The following BCL6 variants were observed in gnomAD, a reference collection of about 807,000 sequenced individuals.
BCL6 encodes the protein B-cell lymphoma 6 protein.
In BCL6, 7 loss-of-function variants were observed where a neutral mutation model predicts 59.5. The ratio of observed to expected loss-of-function variants is 0.12; its 90% CI spans 0.07 to 0.22. The LOEUF (loss-of-function observed/expected upper bound fraction) is 0.22, where lower values mean the gene tolerates loss of function less well. BCL6 is among the 10% of genes least tolerant of loss of function. The pLI is 1.00. For synonymous variants in BCL6, 339 were observed against 349.7 expected, an observed-to-expected ratio of 0.97 and a Z score of 0.34; for missense variants, 685 against 939.4, an observed-to-expected ratio of 0.73 and a Z score of 3.54.
Position 187,731,934 on chromosome 3 carries a change from T to C in BCL6, c.162-4A>G. On this transcript the variant is annotated splice_region_variant and splice_polypyrimidine_tract_variant and intron_variant, in intron 3 of 9. Transcript: ENST00000406870. ...AAAGATGCTATAGAACAGGCCACTG[T>C]AAAACAAACAAATGTCCCACTATAG... 6.2e-7 allele frequency: 1 copy of C among 1,608,852 alleles called. No homozygotes were observed. The highest frequency in any genetic ancestry group is 8.5e-7 in the Non-Finnish European group (1 of 1,175,322).
intron 1 of BCL6, among the ~76,000 whole-genome samples, chr3:187,743,497 A>G (rs1711696481): frequency 6.6e-6 from 1 of 152,108 alleles, no homozygotes; most frequent in Admixed American, 6.5e-5. Context: ...CAACCATCGT[A>G]GAAGGGAACA....
chr3:187,739,326 G>A (rs1373716131), intron 1 of BCL6, among the ~76,000 whole-genome samples: 3 of 152,242 alleles, frequency 2.0e-5, no homozygotes, highest in African/African-American at 7.2e-5. Flanking sequence ...CAGTGTTTCA[G>A]CCAACTAGCT....
rs1718836442 is a variant in BCL6, at chr3:187,728,452, G to A, written c.1448C>T (p.Pro483Leu). The change falls in exon 6 of 10, where the codon CCA becomes CTA. Residue 483 changes from proline to leucine, a missense_variant. Around this residue, in one of 7 missense-constraint regions of BCL6, gnomAD observed 207 missense variants for 213.7 expected, o/e 0.97. Coordinates refer to ENST00000406870, the MANE Select transcript of BCL6 (RefSeq NM_001706.5). ...GTGGAGGCACATCTCTGCATGCTGT[G>A]GGGACTGAGAGCCGCAGGACGTGCA... ...PKCTSCGSQS[P>L]QHAEMCLHTA... The A allele has an allele frequency of 6.2e-7, 1 of 1,612,430 alleles. No individual in the cohort carries two copies. Among genetic ancestry groups the A allele is most frequent in the African/African-American group, 1.3e-5 (1 of 74,780 alleles).
rs930736311 is a variant in BCL6 at position 187,743,772 on chromosome 3, G to A, written c.-50+1638C>T. 3.5e-5 allele frequency among the ~76,000 whole-genome samples: 4 copies of A among 114,380 alleles called. No homozygotes were observed. In the Middle Eastern group the frequency reaches 0.025, roughly 715 times the overall value. 75.0% of individuals were successfully genotyped at this position (114,380 alleles called of 152,430 possible). A position where few individuals can be genotyped will look rare whatever the true frequency, so the allele number is the denominator to read the frequency against. On this transcript the variant is annotated intron_variant, in intron 1 of 9. Transcript: ENST00000406870. ...CGCCCCCGGAGCTCAGCCGATTTCT[G>A]AGGCTCCAACTCTACCCACTCCCTC...
rs139370058 is a variant in BCL6 at position 187,725,362 on chromosome 3, C to T, written c.1839+137G>A. On this transcript the variant is annotated intron_variant, in intron 8 of 9. Transcript: ENST00000406870. The surrounding 1 kb of genome is among the most constrained non-coding windows in gnomAD (Gnocchi z 4.7). ...GGACTGAGTGGGACTTTCTCCTGCC[C>T]GCTCTGCTCACCTGCCCGCTCCGCT... The T allele has an allele frequency of 7.4e-4, 1,102 of 1,494,510 alleles. No homozygotes were observed. The highest frequency in any genetic ancestry group is 9.4e-4 in the Non-Finnish European group (1,053 of 1,117,200). The allele number at this position is 1,494,510 out of a possible 1,614,324, so 92.6% of individuals were successfully genotyped here. A position where few individuals can be genotyped will look rare whatever the true frequency, so the allele number is the denominator to read the frequency against.
chr3:187,743,399 G>A (rs1219804913), intron 1 of BCL6, among the ~76,000 whole-genome samples: 2 of 152,016 alleles, frequency 1.3e-5, no homozygotes, highest in East Asian at 3.9e-4. Context: ...GGGGCCCTGT[G>A]ACAGCTTGGG....
chr3:187,745,257 A>T (rs546194807), intron 1 of BCL6, among the ~76,000 whole-genome samples, 153 bp downstream of exon 1: 1 of 152,208 alleles, frequency 6.6e-6, no homozygotes, highest in African/African-American at 2.4e-5. Context: ...CACATAGAAA[A>T]CTTGGAGCCA....
intron 1 of BCL6, among the ~76,000 whole-genome samples, chr3:187,743,928 C>T (rs1218203330): frequency 6.6e-6 from 1 of 152,130 alleles, no homozygotes; most frequent in Non-Finnish European, 1.5e-5. Flanking sequence ...GCGCCCGCGC[C>T]CGCTCCTCCC....
At chr3:187,745,124 A>G (rs539827829) in intron 1 of BCL6, among the ~76,000 whole-genome samples, 6 of 152,178 alleles carry the variant, frequency 3.9e-5, no homozygotes, top group Middle Eastern at 3.4e-3. Flanking sequence ...AGACAACAAT[A>G]ATAATAATAA....
chr3:187,745,326 AGCGGC>A, intron 1 of BCL6, 79 bp downstream of exon 1: 1 of 401,372 alleles, frequency 2.5e-6, no homozygotes, highest in Middle Eastern at 4.9e-4. Flanking sequence ...GATCATGAGC[AGCGGC>A]GGCGGCAGCG....
At chr3:187,744,978 C>T (rs771839694) in intron 1 of BCL6, among the ~76,000 whole-genome samples, 2 of 152,082 alleles carry the variant, frequency 1.3e-5, no homozygotes, top group Admixed American at 1.3e-4. Context: ...CGAATCACCC[C>T]CCAAGCACTG....
At chr3:187,744,116 G>C (rs1576884424) in intron 1 of BCL6, among the ~76,000 whole-genome samples, 4 of 152,158 alleles carry the variant, frequency 2.6e-5, no homozygotes, top group East Asian at 1.9e-4. Flanking sequence ...TACAGAGCTT[G>C]CACCATGGGA....
intron 1 of BCL6, among the ~76,000 whole-genome samples, chr3:187,744,550 A>C (rs190811069): frequency 1.3e-5 from 2 of 152,302 alleles, no homozygotes; most frequent in African/African-American, 2.4e-5. Context: ...TAGACACGAT[A>C]CTTCATCTCA....
At position 187,726,893 on chromosome 3, in the gene BCL6, C is replaced by T. The variant is rs373425354; in HGVS notation, c.1546G>A (p.Gly516Arg). 9.3e-6 allele frequency: 15 copies of T among 1,613,952 alleles called. No individual in the cohort carries two copies. Among genetic ancestry groups the T allele is most frequent in the East Asian group, 2.2e-5 (1 of 44,876 alleles). Residue 516 changes from glycine to arginine, a missense_variant, in exon 7 of 10, where the codon GGG becomes AGG. Physicochemically the swap from Gly to Arg is moderately radical, Grantham distance 125 (BLOSUM62 -2). Transcript: ENST00000406870. The stretch of plus-strand genomic sequence containing the variant: ...TCACACTCATTGCAGAAGAAGGCCC[C>T]GTTCTCTGTTGGAGGGTGGTAGGGG... ...SEYSDSSCEN[G>R]AFFCNECDCR...
intron 2 of BCL6, 118 bp from the exon 3 acceptor site, chr3:187,733,821 A>G (rs1880101): frequency 0.99 from 1,009,012 of 1,014,916 alleles, 501,725 homozygotes; most frequent in East Asian, 1. Context: ...GGTCCCTTGT[A>G]TTTGATCTTT....
At chr3:187,731,565 G>C (rs1373795566) in intron 4 of BCL6, 144 bp downstream of exon 4, 3 of 801,870 alleles carry the variant, frequency 3.7e-6, no homozygotes, top group African/African-American at 1.7e-5. Flanking sequence ...GAGTTAAGAA[G>C]AGCAGAAGTG....
At chr3:187,743,531 T>C (rs957113878) in intron 1 of BCL6, among the ~76,000 whole-genome samples, 1 of 152,150 alleles carries the variant, frequency 6.6e-6, no homozygotes, top group East Asian at 1.9e-4. Context: ...CTTTTTTCAT[T>C]TTTTTAAAAA....
chr3:187,728,915 T>C lies in BCL6; in HGVS notation c.1355+135A>G. On this transcript the variant is annotated intron_variant, in intron 5 of 9. Transcript: ENST00000406870. ...ACTTAAGTGTAAAATACTTCCTTAC[T>C]CAGACTAACTCAATCTATAGGCACT... 2.4e-6 allele frequency: 3 copies of C among 1,240,438 alleles called. No individual in the cohort carries two copies. The South Asian group carries it at 5.5e-5, about 23-fold the overall frequency. The allele number at this position is 1,240,438 out of a possible 1,614,324, so 76.8% of individuals were successfully genotyped here. A position where few individuals can be genotyped will look rare whatever the true frequency, so the allele number is the denominator to read the frequency against.
At chr3:187,745,000 C>T (rs549208938) in intron 1 of BCL6, among the ~76,000 whole-genome samples, 3 of 152,138 alleles carry the variant, frequency 2.0e-5, no homozygotes, top group Non-Finnish European at 2.9e-5. Context: ...CTCGTCCTCT[C>T]TGCTCCGGCC....
Sources: allele counts gnomAD v4.1 joint callset (sites outside exome capture counted in the v4.1 genomes callset), GRCh38; gene constraint gnomAD v4.1.1; regional missense constraint gnomAD v4.1.1; non-coding constraint Gnocchi (gnomAD v3.1); transcripts MANE v1.5; gene names NCBI Gene and HGNC (gene_info 2026-07-23, HGNC 2026-07-21).